CLIP1: variants seen among roughly 807,000 people sequenced by gnomAD.
The protein encoded by CLIP1 is CAP-Gly domain-containing linker protein 1.
CLIP1 carries 66 observed loss-of-function variants against 161.6 expected under a neutral mutation model. The ratio of observed to expected loss-of-function variants is 0.41; its 90% confidence interval spans 0.33 to 0.50. The LOEUF is 0.50. Ranked by LOEUF, CLIP1 falls within the 20% of genes least tolerant of loss-of-function variation. The pLI, the probability that CLIP1 is intolerant of heterozygous loss-of-function variation, is 0.27. For synonymous variants in CLIP1, 598 were observed against 626.2 expected (o/e 0.96, Z 0.67); for missense variants, 1,376 against 1,702.0 (o/e 0.81, Z 3.37).
intron 19 of CLIP1, among the ~76,000 whole-genome samples, chr12:122,315,961 T>C (rs73404046): frequency 0.027 from 4,069 of 151,632 alleles, 119 homozygotes; most frequent in South Asian, 0.075. Flanking sequence ...AAAATTGAAA[T>C]ACTGAAAATG....
chr12:122,326,417 C>T (rs566800185), intron 17 of CLIP1, among the ~76,000 whole-genome samples: 4 of 152,264 alleles, frequency 2.6e-5, no homozygotes, highest in Admixed American at 1.3e-4. Context: ...CGATGAATCA[C>T]GCCTGCAATC....
At chr12:122,395,544 T>C (rs558263785) in intron 1 of CLIP1, 2 of 152,126 alleles carry the variant, frequency 1.3e-5, no homozygotes, top group Non-Finnish European at 2.9e-5. Flanking sequence ...CTCACCACTT[T>C]AAAGGAATCT....
At chr12:122,407,811 A>C (rs1956385723) in intron 1 of CLIP1, among the ~76,000 whole-genome samples, 1 of 151,684 alleles carries the variant, frequency 6.6e-6, no homozygotes, top group African/African-American at 2.4e-5. Context: ...AAAGGAAAAA[A>C]GTTGGCATAT....
chr12:122,330,322 C>T (rs1951890740), intron 15 of CLIP1, among the ~76,000 whole-genome samples: 1 of 151,926 alleles, frequency 6.6e-6, no homozygotes, highest in African/African-American at 2.4e-5. Flanking sequence ...CCAAAGTTGC[C>T]CAACCAAGGC....
intron 3 of CLIP1, chr12:122,365,212 G>A (rs1954081677): frequency 2.1e-6 from 1 of 466,630 alleles, no homozygotes; most frequent in Non-Finnish European, 3.7e-6. Context: ...ATGTGCACAT[G>A]TACCCTAAAA....
At chr12:122,318,481 C>G (rs147670984) in intron 18 of CLIP1, among the ~76,000 whole-genome samples, 2 of 151,924 alleles carry the variant, frequency 1.3e-5, no homozygotes, top group Non-Finnish European at 1.5e-5. Flanking sequence ...TGCAGTGAGC[C>G]GAGATCATGC....
At position 122,353,022 on chromosome 12, in the gene CLIP1, C is replaced by T. The variant is rs575276531; in HGVS notation, c.1308-236G>A. Among the ~76,000 whole-genome samples, 3 of 151,078 alleles carry T rather than the reference C, an allele frequency of 2.0e-5. No individual in the cohort carries two copies. In the East Asian group the frequency reaches 5.8e-4, roughly 29 times the overall value. On this transcript the variant is annotated intron_variant, in intron 7 of 25. Coordinates refer to ENST00000620786, the MANE Select transcript of CLIP1 (RefSeq NM_001247997.2). ...AAAAAAAAAAAAAAATCTATCATCA[C>T]TACCCTGGTGAATTCAAGCAGACAG...
At chr12:122,406,472 T>C (rs1413452669) in intron 1 of CLIP1, among the ~76,000 whole-genome samples, 2 of 152,168 alleles carry the variant, frequency 1.3e-5, no homozygotes, top group African/African-American at 2.4e-5. Flanking sequence ...ACAAGGAAGT[T>C]TTATTTCCAA....
intron 20 of CLIP1, among the ~76,000 whole-genome samples, chr12:122,309,267 G>A (rs927292705): frequency 3.4e-4 from 51 of 152,150 alleles, no homozygotes; most frequent in African/African-American, 1.1e-3. Context: ...GTACATGTAT[G>A]CACAGTTTCA....
intron 17 of CLIP1, among the ~76,000 whole-genome samples, chr12:122,327,321 T>C (rs1253852506): frequency 6.6e-6 from 1 of 151,996 alleles, no homozygotes; most frequent in Admixed American, 6.6e-5. Flanking sequence ...ACAGATACAA[T>C]CCTAAAACCA....
Position 122,336,665 on chromosome 12 carries a change from C to A in CLIP1, c.2535G>T (p.Val845=). ...LQENLSEVSQ[V]KETLEKELQI... The stretch of plus-strand genomic sequence containing the variant: ...GAAGTTCTTTTTCCAAAGTCTCTTT[C>A]ACTTGACTGACTTCACTCAAATTTT... The change falls in exon 12 of 26, where the codon GTG becomes GTT. Residue 845 remains valine, a synonymous_variant. Transcript: ENST00000620786. 1 of 1,610,546 alleles carries A rather than the reference C, an allele frequency of 6.2e-7. No individual in the cohort carries two copies. Among genetic ancestry groups the A allele is most frequent in the Non-Finnish European group, 8.5e-7 (1 of 1,177,570 alleles).
At chr12:122,276,216 G>A (rs769686520) in intron 24 of CLIP1, among the ~76,000 whole-genome samples, 11 of 152,126 alleles carry the variant, frequency 7.2e-5, no homozygotes, top group Non-Finnish European at 1.5e-4. Context: ...AATCACTGCA[G>A]TCTTTCTCTG....
intron 1 of CLIP1, among the ~76,000 whole-genome samples, chr12:122,420,307 T>G (rs12297174): frequency 1.3e-5 from 2 of 151,218 alleles, no homozygotes; most frequent in Non-Finnish European, 2.9e-5. Context: ...ATCACTCCAT[T>G]GCACTCCAGC....
chr12:122,295,700 T>C (rs1950441098), intron 20 of CLIP1, among the ~76,000 whole-genome samples: 1 of 152,236 alleles, frequency 6.6e-6, no homozygotes, highest in Non-Finnish European at 1.5e-5. Flanking sequence ...ATCACTGAAA[T>C]GGGGTACTGA....
chr12:122,347,335 C>A (rs749979525), intron 10 of CLIP1, 40 bp downstream of exon 10: 1 of 1,433,880 alleles, frequency 7.0e-7, no homozygotes, highest in Admixed American at 1.7e-5. Flanking sequence ...CCACCCTTCA[C>A]ATGCATGGGT....
chr12:122,398,712 A>AG (rs1956027394), intron 1 of CLIP1, among the ~76,000 whole-genome samples: 1 of 151,834 alleles, frequency 6.6e-6, no homozygotes, highest in African/African-American at 2.4e-5. Context: ...TAAAAAAAAA[A>AG]AATTTTTTTT....
intron 15 of CLIP1, among the ~76,000 whole-genome samples, chr12:122,329,871 A>G (rs1951866405): frequency 6.6e-6 from 1 of 152,188 alleles, no homozygotes; most frequent in African/African-American, 2.4e-5. Context: ...TAATCCCTGC[A>G]CTTTGGGAGG....
At position 122,415,758 on chromosome 12, in the gene CLIP1, G is replaced by A. The variant is rs577524862; in HGVS notation, c.-107+6763C>T. On this transcript the variant is annotated intron_variant, in intron 1 of 25. Coordinates refer to ENST00000620786, the MANE Select transcript of CLIP1 (RefSeq NM_001247997.2). Reference sequence around the variant, plus strand: ...TGCTTGAACCCGGGAGGCAGAGGTTGCAGTGAGCTAAGATCGTGCCACTGC... The same window carrying A: ...TGCTTGAACCCGGGAGGCAGAGGTTACAGTGAGCTAAGATCGTGCCACTGC... Among the ~76,000 whole-genome samples, 9 of 151,942 alleles carry A rather than the reference G, an allele frequency of 5.9e-5. No homozygotes were observed. The South Asian group carries it at 1.7e-3, about 28-fold the overall frequency.
rs1455701961 is a variant in CLIP1 at position 122,334,693 on chromosome 12, C to T, written c.2581G>A (p.Ala861Thr). ...GAGACTGCCTCCTCTGAAGCTTCAG[C>T]AAACTTTTCTTTCTAAAGAAAAAGA... Reference protein sequence around the residue: ...KELQILKEKFAEASEEAVSVQ... With the variant: ...KELQILKEKFTEASEEAVSVQ... Residue 861 changes from alanine to threonine, a missense_variant, in exon 13 of 26, where the codon GCT (alanine) becomes ACT (threonine). Ala to Thr is a moderately conservative substitution (Grantham distance 58). This residue lies in a region of CLIP1 where 948 missense variants were observed against 1,134.8 expected (regional missense o/e 0.84). Transcript: ENST00000620786. 1 of 1,579,018 alleles carries T rather than the reference C, an allele frequency of 6.3e-7. No individual in the cohort carries two copies.
Sources: allele counts gnomAD v4.1 joint callset (sites outside exome capture counted in the v4.1 genomes callset), GRCh38; gene constraint gnomAD v4.1.1; regional missense constraint gnomAD v4.1.1; transcripts MANE v1.5; gene names NCBI Gene and HGNC (gene_info 2026-07-23, HGNC 2026-07-21).